Variants in FMC1 observed in about 807,000 individuals in gnomAD.
FMC1 encodes the protein protein FMC1 homolog.
In FMC1, 6 loss-of-function variants were observed where a neutral mutation model predicts 10.5. That is an observed-to-expected ratio of 0.57 (90% CI 0.31 to 1.12). FMC1 has a LOEUF of 1.12. Ranked by LOEUF, FMC1 falls within the 50% of genes most tolerant of loss-of-function variation. The probability of loss-of-function intolerance (pLI) is 0.05; values close to 1 mark genes in which losing one functional copy is unlikely to be tolerated. For synonymous variants in FMC1, 59 were observed against 62.1 expected (o/e 0.95, Z 0.24); for missense variants, 146 against 151.7 (o/e 0.96, Z 0.20).
upstream of FMC1, chr7:139,340,590 T>G (rs1359732213): frequency 1.0e-5 from 4 of 397,376 alleles, no homozygotes; most frequent in Non-Finnish European, 1.8e-5. Flanking sequence ...ACCCCTCACG[T>G]GGGCGCTAGG....
At chr7:139,342,672 G>C (rs1799050977) in intron 1 of FMC1, among the ~76,000 whole-genome samples, 1 of 152,158 alleles carries the variant, frequency 6.6e-6, no homozygotes, top group African/African-American at 2.4e-5. Flanking sequence ...ATGTTGGTCA[G>C]GCTGGTCTTG....
chr7:139,341,526 C>T lies in FMC1; in HGVS notation c.138+4C>T, dbSNP rs781063369. On this transcript the variant is annotated splice_donor_region_variant and intron_variant, in intron 1 of 1. Coordinates refer to ENST00000297534, the MANE Select transcript of FMC1 (RefSeq NM_197964.5). ...GAAGGCTTTCCGTGCACATCGGGTA[C>T]GGGAGCCATGTCCCGGGTGCTCTAC... is the stretch of plus-strand genomic sequence containing the variant. 6.8e-6 allele frequency: 11 copies of T among 1,610,152 alleles called. No individual in the cohort carries two copies. Among genetic ancestry groups the T allele is most frequent in the Middle Eastern group, 1.6e-4 (1 of 6,072 alleles).
intron 1 of FMC1, among the ~76,000 whole-genome samples, chr7:139,341,783 G>T (rs1798992569): frequency 6.6e-6 from 1 of 152,306 alleles, no homozygotes. Context: ...CCGTCCCGAA[G>T]GATTTCATTG....
intron 1 of FMC1, 52 bp from the exon 2 acceptor site, chr7:139,345,449 T>C (rs1799224898): frequency 6.2e-7 from 1 of 1,608,050 alleles, no homozygotes; most frequent in Admixed American, 1.7e-5. Flanking sequence ...TCTTTCTCTG[T>C]GGACCTGTAT....
In FMC1 at chr7:139,346,240, T is replaced by G. The variant is rs1203222846; in HGVS notation, c.*536T>G. The G allele has an allele frequency of 1.0e-5, 1 of 99,696 alleles. No homozygotes were observed. The highest frequency in any genetic ancestry group is 8.8e-5 in the African/African-American group (1 of 11,332). The allele number at this position is 99,696 out of a possible 1,614,324, so 6.2% of individuals were successfully genotyped here. ...TGGGCAACAAGAGCAAAACTCTGTCTCAAAAAAAAAAAAAAAATTAGTATA... is the reference window on the plus strand; with the variant it reads ...TGGGCAACAAGAGCAAAACTCTGTCGCAAAAAAAAAAAAAAAATTAGTATA... On this transcript the variant is annotated 3_prime_UTR_variant, in exon 2 of 2. Coordinates refer to ENST00000297534, the MANE Select transcript of FMC1 (RefSeq NM_197964.5).
rs1318136523 is a variant in FMC1 at position 139,345,968 on chromosome 7, T to TG, written c.*266dup. The TG allele has an allele frequency of 8.2e-6, 2 of 243,750 alleles. No individual in the cohort carries two copies. The highest frequency in any genetic ancestry group is 4.7e-5 in the African/African-American group (2 of 42,816). 15.1% of individuals were successfully genotyped at this position (243,750 alleles called of 1,614,324 possible). A position where few individuals can be genotyped will look rare whatever the true frequency, so the allele number is the denominator to read the frequency against. On this transcript the variant is annotated 3_prime_UTR_variant, in exon 2 of 2. Transcript: ENST00000297534. ...TAGTACAAGCCTTAGCCAGGCACGG[T>TG]GGCTCACGCCTGTAATCCCAGCACT...
chr7:139,345,694 G>A lies in FMC1; in HGVS notation c.332G>A (p.Trp111Ter), dbSNP rs912019182. 6.2e-7 allele frequency: 1 copy of A among 1,614,000 alleles called. No individual in the cohort carries two copies. Among genetic ancestry groups the A allele is most frequent in the Non-Finnish European group, 8.5e-7 (1 of 1,179,978 alleles). Residue 111 changes from tryptophan to a stop codon, truncating the protein, a stop_gained, in exon 2 of 2, where the codon TGG (tryptophan) becomes TAG (stop). Transcript: ENST00000297534. LOFTEE classifies it high-confidence loss of function. ...KLPHQPGGKGWEP is the reference protein window; with the variant it reads ...KLPHQPGGKG ...CCCCATCAGCCTGGAGGGAAGGGCT[G>A]GGAGCCATGAACATGGAGAATATCC...
upstream of FMC1, chr7:139,341,284 C>T: frequency 6.7e-7 from 1 of 1,500,088 alleles, no homozygotes. Context: ...TAGGGGGAGT[C>T]GGTAGTCTGT....
At chr7:139,341,610 T>A in intron 1 of FMC1, 88 bp downstream of exon 1, 2 of 1,528,594 alleles carry the variant, frequency 1.3e-6, no homozygotes, top group Non-Finnish European at 1.8e-6. Context: ...GGTGTTTAAT[T>A]CCTGCATTTC....
rs745764168 is a variant in FMC1 at position 139,345,506 on chromosome 7, C to G, written c.144C>G (p.Thr48=). The G allele has an allele frequency of 1.9e-6, 3 of 1,614,004 alleles. No individual in the cohort carries two copies. Among genetic ancestry groups the G allele is most frequent in the South Asian group, 1.1e-5 (1 of 91,074 alleles). Residue 48 remains threonine (T), a synonymous_variant, in exon 2 of 2, where the codon ACC becomes ACG. Transcript: ENST00000297534. ...CTGACTTGCTGCTTCTCTAGGTCAC[C>G]AGTGAAAAGTTGTGCAGAGCCCAAC... ...LVKAFRAHRV[T]SEKLCRAQHE...
Position 139,344,869 on chromosome 7 carries a change from AT to A in FMC1, c.139-615del, listed in dbSNP as rs11421635. The A allele has an allele frequency of 6.5e-3, 865 of 132,634 alleles. 1 individual carries two copies. The highest frequency in any genetic ancestry group is 8.9e-3 in the Non-Finnish European group (553 of 62,244). The allele number at this position is 132,634 out of a possible 1,614,324, so 8.2% of individuals were successfully genotyped here. ...AGGCACCCGCCACCACACCCGGCTA[AT>A]TTTTTTTTTTTTTTTTGGATTTTTA... On this transcript the variant is annotated intron_variant, in intron 1 of 1. Transcript: ENST00000297534.
intron 1 of FMC1, 121 bp from the exon 2 acceptor site, chr7:139,345,380 C>A: frequency 7.1e-7 from 1 of 1,412,112 alleles, no homozygotes; most frequent in Non-Finnish European, 9.5e-7. Flanking sequence ...TATATACATA[C>A]ATGTCTGTAT....
intron 1 of FMC1, among the ~76,000 whole-genome samples, chr7:139,342,579 C>G (rs1214263818): frequency 6.6e-6 from 1 of 152,156 alleles, no homozygotes; most frequent in Non-Finnish European, 1.5e-5. Context: ...TCTCCTGCCT[C>G]AGCCTCCCGA....
chr7:139,342,750 T>C (rs11771715), intron 1 of FMC1, among the ~76,000 whole-genome samples: 59,275 of 152,080 alleles, frequency 0.39, 16,179 homozygotes, highest in African/African-American at 0.78. Context: ...GCGTGAACTA[T>C]CAAACCTGGC....
intron 1 of FMC1, among the ~76,000 whole-genome samples, chr7:139,343,684 C>T (rs1799113679): frequency 6.6e-6 from 1 of 152,138 alleles, no homozygotes; most frequent in Admixed American, 6.5e-5. Context: ...CCTGTAATCC[C>T]AGCACTCTGG....
At chr7:139,343,496 A>C (rs1230652857) in intron 1 of FMC1, among the ~76,000 whole-genome samples, 1 of 152,152 alleles carries the variant, frequency 6.6e-6, no homozygotes, top group African/African-American at 2.4e-5. Flanking sequence ...GGATCACTTG[A>C]GCCCAAGAAG....
At chr7:139,343,039 C>T (rs1040694250) in intron 1 of FMC1, among the ~76,000 whole-genome samples, 11 of 152,190 alleles carry the variant, frequency 7.2e-5, no homozygotes, top group African/African-American at 2.4e-4. Context: ...ATACAGTGTT[C>T]TATTTCATTT....
At chr7:139,341,283 T>G, upstream of FMC1, 2 of 1,482,308 alleles carry the variant, frequency 1.3e-6, no homozygotes, top group Non-Finnish European at 1.8e-6. Flanking sequence ...ATAGGGGGAG[T>G]CGGTAGTCTG....
chr7:139,345,008 C>T (rs6943392), intron 1 of FMC1: 22,040 of 152,126 alleles, frequency 0.14, 4,005 homozygotes, highest in African/African-American at 0.43. Context: ...CCACCGCGCC[C>T]GGCCAAGTTT....
Sources: allele counts gnomAD v4.1 joint callset (sites outside exome capture counted in the v4.1 genomes callset), GRCh38; gene constraint gnomAD v4.1.1; transcripts MANE v1.5; gene names NCBI Gene and HGNC (gene_info 2026-07-23, HGNC 2026-07-21).